Variants in CCDC81 observed in about 807,000 individuals in gnomAD.
The protein encoded by CCDC81 is coiled-coil domain-containing protein 81.
A neutral mutation model predicts 83.7 loss-of-function variants in CCDC81; 79 were observed. The observed-to-expected ratio is 0.94, with a 90% CI of 0.79 to 1.14. CCDC81 has a LOEUF of 1.14. CCDC81 is among the 50% of genes most tolerant of loss of function. The pLI is 0.00. For missense variants in CCDC81, 791 were observed against 778.1 expected, an observed-to-expected ratio of 1.02 and a Z score of -0.20; for synonymous variants, 252 against 278.1, an observed-to-expected ratio of 0.91 and a Z score of 0.93.
intron 8 of CCDC81, 58 bp from the exon 9 acceptor site, chr11:86,408,069 T>A: frequency 1.3e-6 from 2 of 1,565,426 alleles, no homozygotes; most frequent in Non-Finnish European, 1.7e-6. Flanking sequence ...GTGAAGGGAA[T>A]GCGAAAGCAA....
intron 2 of CCDC81, among the ~76,000 whole-genome samples, 174 bp downstream of exon 2, chr11:86,386,286 A>T (rs989526236): frequency 6.6e-5 from 10 of 151,980 alleles, no homozygotes; most frequent in African/African-American, 1.9e-4. Context: ...TCATGTTCGG[A>T]CTTGTGGGTA....
intron 1 of CCDC81, among the ~76,000 whole-genome samples, chr11:86,379,972 T>C (rs1948154663): frequency 6.6e-6 from 1 of 151,532 alleles, no homozygotes; most frequent in African/African-American, 2.4e-5. Context: ...GGCAACAAAA[T>C]GAGACCCTGT....
intron 14 of CCDC81, 80 bp from the exon 15 acceptor site, chr11:86,422,494 C>G: frequency 1.5e-6 from 2 of 1,357,582 alleles, no homozygotes; most frequent in Admixed American, 3.6e-5. Context: ...TTTTGTGTAC[C>G]TCCTGCCATA....
chr11:86,421,983 G>A (rs1948797836), intron 14 of CCDC81, among the ~76,000 whole-genome samples: 1 of 151,616 alleles, frequency 6.6e-6, no homozygotes, highest in Non-Finnish European at 1.5e-5. Context: ...ACTGTTTTGC[G>A]TAACGAAGAA....
chr11:86,392,945 T>A, intron 4 of CCDC81, 148 bp downstream of exon 4: 3 of 862,850 alleles, frequency 3.5e-6, no homozygotes, highest in Non-Finnish European at 3.5e-6. Context: ...TATACTTGAT[T>A]AACTCTTTGA....
intron 7 of CCDC81, among the ~76,000 whole-genome samples, chr11:86,403,405 C>T (rs920681491): frequency 6.6e-6 from 1 of 151,722 alleles, no homozygotes; most frequent in Non-Finnish European, 1.5e-5. Flanking sequence ...TAAAATATAT[C>T]TTTTCTGATT....
chr11:86,392,665 A>T lies in CCDC81; in HGVS notation c.423A>T (p.Lys141Asn). Reference sequence around the variant, plus strand: ...TTTTATCGCGTTCCATTTCCATGAAACAAAATGTGGAGTTTACATTCAAAG... The same window carrying T: ...TTTTATCGCGTTCCATTTCCATGAATCAAAATGTGGAGTTTACATTCAAAG... ...LLFLSRSISM[K>N]QNVEFTFKGI... is the part of the protein sequence containing the mutation. Residue 141 changes from lysine to asparagine, a missense_variant, in exon 4 of 15, where the codon AAA (lysine) becomes AAT (asparagine). Lys to Asn is a moderately conservative substitution (Grantham distance 94). Coordinates refer to ENST00000445632, the MANE Select transcript of CCDC81 (RefSeq NM_001156474.2). 1 of 1,551,710 alleles carries T rather than the reference A, an allele frequency of 6.4e-7. No individual in the cohort carries two copies. Among genetic ancestry groups the T allele is most frequent in the South Asian group, 1.2e-5 (1 of 84,064 alleles).
At chr11:86,381,702 G>A (rs900768666) in intron 1 of CCDC81, among the ~76,000 whole-genome samples, 2 of 152,202 alleles carry the variant, frequency 1.3e-5, no homozygotes, top group African/African-American at 4.8e-5. Flanking sequence ...CCCAAGAAGA[G>A]TTGTTGATTT....
At chr11:86,417,887 A>G (rs1246688077) in intron 13 of CCDC81, among the ~76,000 whole-genome samples, 1 of 152,054 alleles carries the variant, frequency 6.6e-6, no homozygotes, top group Non-Finnish European at 1.5e-5. Context: ...AGCTGGGACT[A>G]CAGGTGCATG....
chr11:86,376,504 G>C (rs938278511), intron 1 of CCDC81, among the ~76,000 whole-genome samples: 2 of 152,100 alleles, frequency 1.3e-5, no homozygotes, highest in African/African-American at 2.4e-5. Context: ...AGAGAAGCCC[G>C]GGGGACCAGG....
chr11:86,412,292 T>C, intron 10 of CCDC81, 95 bp from the exon 11 acceptor site: 1 of 1,031,636 alleles, frequency 9.7e-7, no homozygotes, highest in South Asian at 1.6e-5. Flanking sequence ...ATATTATAAA[T>C]TAAGAAATAC....
chr11:86,395,124 A>G, intron 4 of CCDC81: 1 of 412,010 alleles, frequency 2.4e-6, no homozygotes, highest in Non-Finnish European at 4.3e-6. Flanking sequence ...GGCAACACCG[A>G]AAGAATTGCT....
At position 86,407,604 on chromosome 11, in the gene CCDC81, G is replaced by A; in HGVS notation, c.882-10G>A. 1 of 1,591,806 alleles carries A rather than the reference G, an allele frequency of 6.3e-7. No individual in the cohort carries two copies. The highest frequency in any genetic ancestry group is 8.6e-7 in the Non-Finnish European group (1 of 1,161,240). On this transcript the variant is annotated splice_polypyrimidine_tract_variant and intron_variant, in intron 7 of 14. Transcript: ENST00000445632. ...ATTAAACATTAATTAATGTTGCATT[G>A]TTTTTATAGCTTATCATATCCAAGT... is the stretch of plus-strand genomic sequence containing the variant.
At chr11:86,396,995 A>T (rs1244693164) in intron 5 of CCDC81, among the ~76,000 whole-genome samples, 3 of 152,148 alleles carry the variant, frequency 2.0e-5, no homozygotes, top group Admixed American at 6.5e-5. Context: ...TGTTTTATTT[A>T]TGTGACATTT....
intron 3 of CCDC81, among the ~76,000 whole-genome samples, chr11:86,391,665 A>G (rs1323747694): frequency 6.6e-6 from 1 of 152,242 alleles, no homozygotes; most frequent in Non-Finnish European, 1.5e-5. Context: ...ACTTCTAGTG[A>G]AGATGGGTAT....
chr11:86,395,138 C>T, intron 4 of CCDC81, 196 bp from the exon 5 acceptor site: 1 of 433,720 alleles, frequency 2.3e-6, no homozygotes, highest in South Asian at 5.0e-5. Context: ...AATTGCTGTG[C>T]AGCTACCCAG....
intron 7 of CCDC81, among the ~76,000 whole-genome samples, chr11:86,406,315 T>C (rs1948565437): frequency 6.6e-6 from 1 of 152,246 alleles, no homozygotes; most frequent in Non-Finnish European, 1.5e-5. Context: ...TCATTCTTTC[T>C]TGTAGCTTTT....
Position 86,400,790 on chromosome 11 carries a change from G to C in CCDC81, c.870G>C (p.Met290Ile). The change falls in exon 7 of 15, where the codon ATG becomes ATC. Residue 290 changes from methionine to isoleucine, a missense_variant. Transcript: ENST00000445632. ...GAAGTGAGAGTGGTGGGAAGATTAT[G>C]ACCCCTGAAAGGTAATGCATTGACT... is the stretch of plus-strand genomic sequence containing the variant. ...FERSESGGKI[M>I]TPESLSYPSC... The C allele has an allele frequency of 6.2e-7, 1 of 1,608,654 alleles. No individual in the cohort carries two copies. The highest frequency in any genetic ancestry group is 8.5e-7 in the Non-Finnish European group (1 of 1,175,946).
At chr11:86,410,965 C>T (rs1948634861) in intron 10 of CCDC81, among the ~76,000 whole-genome samples, 1 of 152,184 alleles carries the variant, frequency 6.6e-6, no homozygotes. Flanking sequence ...TTATGCTCAA[C>T]TTCTCCAATA....
Sources: gnomAD v4.1 joint callset for allele counts (sites outside exome capture counted in the v4.1 genomes callset) on GRCh38, gnomAD v4.1.1 for gene constraint, MANE v1.5 for transcripts, NCBI Gene and HGNC (gene_info 2026-07-23, HGNC 2026-07-21) for gene names.